Variants in ADARB2 observed in about 807,000 individuals in gnomAD.
ADARB2 encodes the protein adenosine deaminase RNA specific B2 (inactive), also known as inactive double-stranded RNA-specific editase B2.
A neutral mutation model predicts 62.2 loss-of-function variants in ADARB2; 25 were observed. That is an observed-to-expected ratio of 0.40 (90% CI 0.29 to 0.56). ADARB2 has a LOEUF of 0.56. Ranked by LOEUF, ADARB2 falls within the 20% of genes least tolerant of loss-of-function variation. ADARB2 has a pLI of 0.43. For missense variants in ADARB2, 1,071 were observed against 1,077.4 expected (o/e 0.99, Z 0.08); for synonymous variants, 572 against 500.8 (o/e 1.14, Z -1.90).
At chr10:1,215,286 C>T (rs182614555) in intron 7 of ADARB2, among the ~76,000 whole-genome samples, 6 of 152,352 alleles carry the variant, frequency 3.9e-5, no homozygotes, top group Admixed American at 2.0e-4. Flanking sequence ...GTGCTAGAAC[C>T]CCTGGGTGGC....
At chr10:1,642,796 C>T (rs1427862774) in intron 1 of ADARB2, among the ~76,000 whole-genome samples, 2 of 151,912 alleles carry the variant, frequency 1.3e-5, no homozygotes, top group Non-Finnish European at 2.9e-5. Context: ...CACTCACACT[C>T]AGTATTCAGA....
rs182810428 is a variant in ADARB2 at position 1,275,175 on chromosome 10, C to T, written c.1078-4106G>A. On this transcript the variant is annotated intron_variant, in intron 3 of 9. Coordinates refer to ENST00000381312, the MANE Select transcript of ADARB2 (RefSeq NM_018702.4). ...CAGCATTTCCACAGATGAAGGCCTC[C>T]TTGACTCACTGGGGAGGGCTTGCAT... is the stretch of plus-strand genomic sequence containing the variant. Among the ~76,000 whole-genome samples the T allele has an allele frequency of 2.7e-3, 415 of 152,314 alleles. 9 individuals carry two copies. The highest frequency in any genetic ancestry group is 6.3e-4 in the Non-Finnish European group (43 of 67,996).
chr10:1,699,666 T>G (rs186861000), intron 1 of ADARB2, among the ~76,000 whole-genome samples: 4,517 of 5,958 alleles, frequency 0.76, 1,651 homozygotes, highest in Middle Eastern at 0.83. Flanking sequence ...GTCAATACAC[T>G]CAATCCCACT....
intron 1 of ADARB2, among the ~76,000 whole-genome samples, chr10:1,492,607 C>T (rs1475494006): frequency 1.3e-5 from 2 of 152,056 alleles, no homozygotes; most frequent in African/African-American, 2.4e-5. Flanking sequence ...GTGTTGGCAG[C>T]CCTAGAAGGC....
intron 1 of ADARB2, among the ~76,000 whole-genome samples, chr10:1,493,381 A>G (rs1831645337): frequency 6.6e-6 from 1 of 152,122 alleles, no homozygotes; most frequent in African/African-American, 2.4e-5. Context: ...TTTTTGTATT[A>G]AGTAGATATA....
At chr10:1,205,039 G>A in intron 7 of ADARB2, among the ~76,000 whole-genome samples, 1 of 152,120 alleles carries the variant, frequency 6.6e-6, no homozygotes, top group East Asian at 1.9e-4. Flanking sequence ...TGCCACCTGG[G>A]ACTGGGTCCC....
chr10:1,603,354 C>T (rs1415201659), intron 1 of ADARB2, among the ~76,000 whole-genome samples: 4 of 152,172 alleles, frequency 2.6e-5, no homozygotes, highest in African/African-American at 9.7e-5. Flanking sequence ...GGCTTGGAGC[C>T]CGACCCTGGT....
In ADARB2 at chr10:1,567,509, G is replaced by C. The variant is rs1229071276; in HGVS notation, c.100+169542C>G. Among the ~76,000 whole-genome samples, 4 of 152,228 alleles carry C rather than the reference G, an allele frequency of 2.6e-5. No individual in the cohort carries two copies. In the South Asian group the frequency reaches 8.3e-4, roughly 32 times the overall value. On this transcript the variant is annotated intron_variant, in intron 1 of 9. Coordinates refer to ENST00000381312, the MANE Select transcript of ADARB2 (RefSeq NM_018702.4). ...CTGGCCACAATCCTTCCATCAATCT[G>C]TCGGGACCCAAAGCAAACTGCCCCC...
At chr10:1,357,989 G>C (rs1305251578) in intron 3 of ADARB2, among the ~76,000 whole-genome samples, 1 of 152,168 alleles carries the variant, frequency 6.6e-6, no homozygotes, top group Non-Finnish European at 1.5e-5. Context: ...CTCTGGTGTA[G>C]ATCTATATAC....
chr10:1,668,862 A>C (rs1200650845), intron 1 of ADARB2, among the ~76,000 whole-genome samples: 1 of 152,232 alleles, frequency 6.6e-6, no homozygotes, highest in East Asian at 1.9e-4. Flanking sequence ...CTTCTGTTAC[A>C]TCCAGGAGGA....
chr10:1,540,783 T>C (rs188134311), intron 1 of ADARB2, among the ~76,000 whole-genome samples: 18 of 34,550 alleles, frequency 5.2e-4, no homozygotes, highest in Middle Eastern at 0.023. Context: ...CACTCAGATG[T>C]AGTTCAGACC....
chr10:1,404,927 CA>C (rs1441900614), intron 1 of ADARB2, among the ~76,000 whole-genome samples: 9 of 152,216 alleles, frequency 5.9e-5, no homozygotes, highest in African/African-American at 1.9e-4. Context: ...TGTTTAAGGA[CA>C]CGCAGCTTGT....
chr10:1,548,236 C>G (rs1832556587), intron 1 of ADARB2, among the ~76,000 whole-genome samples: 2 of 152,174 alleles, frequency 1.3e-5, no homozygotes, highest in Admixed American at 6.5e-5. Context: ...GGGAACTAAG[C>G]CCATTCCCGC....
At chr10:1,484,938 G>A (rs1831522060) in intron 1 of ADARB2, among the ~76,000 whole-genome samples, 1 of 152,062 alleles carries the variant, frequency 6.6e-6, no homozygotes, top group South Asian at 2.1e-4. Flanking sequence ...ATGCAGGTAG[G>A]TATGGAAATG....
At chr10:1,447,833 G>C (rs960208730) in intron 1 of ADARB2, among the ~76,000 whole-genome samples, 1 of 152,088 alleles carries the variant, frequency 6.6e-6, no homozygotes, top group South Asian at 2.1e-4. Context: ...TGTGGTATTT[G>C]GTTTTCTGTT....
At chr10:1,360,743 C>A (rs534829530) in intron 3 of ADARB2, among the ~76,000 whole-genome samples, 2 of 152,300 alleles carry the variant, frequency 1.3e-5, no homozygotes, top group South Asian at 2.1e-4. Context: ...CGCTGCTCTG[C>A]GCCCTTCGTC....
Position 1,256,885 on chromosome 10 carries a change from T to C in ADARB2, c.1192+14070A>G, listed in dbSNP as rs147530391. Among the ~76,000 whole-genome samples, 9 of 152,322 alleles carry C rather than the reference T, an allele frequency of 5.9e-5. No homozygotes were observed. The East Asian group carries it at 1.7e-3, about 29-fold the overall frequency. ...AGGAACAAATAGGAAACACCTGGTA[T>C]GATCGATGAACGGTCTCTTCTCCTA... On this transcript the variant is annotated intron_variant, in intron 4 of 9. Transcript: ENST00000381312.
chr10:1,710,929 A>G (rs1441523578), intron 1 of ADARB2, among the ~76,000 whole-genome samples: 1 of 152,144 alleles, frequency 6.6e-6, no homozygotes, highest in African/African-American at 2.4e-5. Flanking sequence ...CTGCAGGGTC[A>G]AATGTAACCA....
Position 1,539,796 on chromosome 10 carries a change from T to G in ADARB2, c.101-160636A>C, listed in dbSNP as rs4448618. Among the ~76,000 whole-genome samples, 1,097 of 152,356 alleles carry G rather than the reference T, an allele frequency of 7.2e-3. 15 individuals carry two copies. Among genetic ancestry groups the G allele is most frequent in the African/African-American group, 0.025 (1,038 of 41,566 alleles). ...AATTCACTTCAATGAAATTACATAA[T>G]GTAAAACAAAATCTTAGAAACAGCC... On this transcript the variant is annotated intron_variant, in intron 1 of 9. Transcript: ENST00000381312.
Sources: allele counts gnomAD v4.1 joint callset (sites outside exome capture counted in the v4.1 genomes callset), GRCh38; gene constraint gnomAD v4.1.1; transcripts MANE v1.5; gene names NCBI Gene and HGNC (gene_info 2026-07-23, HGNC 2026-07-21).